Variants in STXBP5L observed in about 807,000 individuals in gnomAD.
The protein encoded by STXBP5L is syntaxin binding protein 5L.
A neutral mutation model predicts 144.5 loss-of-function variants in STXBP5L; 65 were observed. The ratio of observed to expected loss-of-function variants is 0.45; its 90% CI spans 0.37 to 0.55. The LOEUF (loss-of-function observed/expected upper bound fraction) is 0.55. Among genes scored for constraint, STXBP5L ranks in the 20% least tolerant of loss-of-function variants. The pLI, the probability that STXBP5L is intolerant of heterozygous loss-of-function variation, is 0.00. For synonymous variants in STXBP5L, 505 were observed against 469.6 expected (o/e 1.08, Z -0.97); for missense variants, 1,298 against 1,405.5 (o/e 0.92, Z 1.22).
At chr3:121,087,831 G>T (rs576635584) in intron 5 of STXBP5L, among the ~76,000 whole-genome samples, 1 of 151,458 alleles carries the variant, frequency 6.6e-6, no homozygotes, top group Non-Finnish European at 1.5e-5. Context: ...GTATTTCTTT[G>T]TATCACTTTT....
chr3:121,406,682 A>C (rs2046999818), intron 22 of STXBP5L, among the ~76,000 whole-genome samples: 1 of 152,024 alleles, frequency 6.6e-6, no homozygotes, highest in Non-Finnish European at 1.5e-5. Flanking sequence ...ATACAATTAA[A>C]ATTGCCACCG....
At chr3:121,187,227 AATG>A (rs1431428621) in intron 9 of STXBP5L, among the ~76,000 whole-genome samples, 1 of 152,204 alleles carries the variant, frequency 6.6e-6, no homozygotes, top group Non-Finnish European at 1.5e-5. Context: ...AGCCATAAAA[AATG>A]ATGAGTTCAT....
chr3:121,174,564 A>T (rs2046858201), intron 9 of STXBP5L, among the ~76,000 whole-genome samples: 1 of 152,154 alleles, frequency 6.6e-6, no homozygotes, highest in Non-Finnish European at 1.5e-5. Flanking sequence ...CAAGACCTGA[A>T]TCTTCGCTTG....
At chr3:121,252,297 C>CCTT (rs2050052191) in intron 15 of STXBP5L, among the ~76,000 whole-genome samples, 1 of 150,968 alleles carries the variant, frequency 6.6e-6, no homozygotes, top group East Asian at 2.0e-4. Flanking sequence ...ATCTGGGAGG[C>CCTT]AGAGGTTGCA....
Position 121,182,809 on chromosome 3 carries a change from G to C in STXBP5L, c.878-23114G>C, listed in dbSNP as rs535490214. Among the ~76,000 whole-genome samples, 65 of 152,170 alleles carry C rather than the reference G, an allele frequency of 4.3e-4. 2 individuals are homozygous for C. The South Asian group carries it at 7.9e-3, about 18-fold the overall frequency. On this transcript the variant is annotated intron_variant, in intron 9 of 26. Transcript: ENST00000471454. ...AAACAAGCTGAATTAGAAATGAAAG[G>C]AGAGATATTACAACCGATACCTTAG...
At chr3:121,349,666 G>A (rs2045183597) in intron 20 of STXBP5L, among the ~76,000 whole-genome samples, 2 of 152,084 alleles carry the variant, frequency 1.3e-5, no homozygotes, top group Admixed American at 1.3e-4. Flanking sequence ...ATATATTTAG[G>A]ATAGTTAGCT....
At chr3:121,300,674 G>A (rs2051856175) in intron 19 of STXBP5L, among the ~76,000 whole-genome samples, 2 of 151,826 alleles carry the variant, frequency 1.3e-5, no homozygotes, top group Admixed American at 1.3e-4. Flanking sequence ...TGATAAAATG[G>A]AATACTAAGT....
intron 3 of STXBP5L, among the ~76,000 whole-genome samples, chr3:120,998,602 A>T (rs1249120835): frequency 6.6e-6 from 1 of 152,146 alleles, no homozygotes; most frequent in Non-Finnish European, 1.5e-5. Context: ...CTTATTGTTC[A>T]ACTCCTAATT....
intron 20 of STXBP5L, among the ~76,000 whole-genome samples, chr3:121,356,318 A>T (rs2045512090): frequency 6.6e-6 from 1 of 152,218 alleles, no homozygotes; most frequent in African/African-American, 2.4e-5. Context: ...TAAAGGCAGT[A>T]GGCCTTGCTA....
At chr3:121,274,561 G>A (rs2050823810) in intron 18 of STXBP5L, among the ~76,000 whole-genome samples, 1 of 152,228 alleles carries the variant, frequency 6.6e-6, no homozygotes, top group South Asian at 2.1e-4. Context: ...TGGGATCCTG[G>A]CCACTGGTGC....
At chr3:120,959,127 A>G (rs1009557301) in intron 3 of STXBP5L, among the ~76,000 whole-genome samples, 2 of 152,212 alleles carry the variant, frequency 1.3e-5, no homozygotes, top group Admixed American at 1.3e-4. Flanking sequence ...AGAGAGCCAA[A>G]TCATGAGTGA....
intron 4 of STXBP5L, among the ~76,000 whole-genome samples, chr3:121,043,745 C>T (rs528851935): frequency 1.3e-5 from 2 of 152,088 alleles, no homozygotes; most frequent in South Asian, 2.1e-4. Flanking sequence ...ATACTGAGTT[C>T]CTCACTAGAA....
chr3:120,939,209 G>A lies in STXBP5L; in HGVS notation c.190-15731G>A, dbSNP rs140777960. Among the ~76,000 whole-genome samples, 361 of 152,210 alleles carry A rather than the reference G, an allele frequency of 2.4e-3. 1 individual carries two copies. Among genetic ancestry groups the A allele is most frequent in the Admixed American group, 3.5e-3 (53 of 15,278 alleles). ...AAGTGTTTTTCATTGTGTCTAGTAC[G>A]TAGTAAACAAATGGTAGGGATATCA... On this transcript the variant is annotated intron_variant, in intron 2 of 26. Coordinates refer to ENST00000471454, the MANE Select transcript of STXBP5L (RefSeq NM_001308330.2).
At chr3:121,034,382 A>G (rs1006933024) in intron 3 of STXBP5L, among the ~76,000 whole-genome samples, 1 of 152,210 alleles carries the variant, frequency 6.6e-6, no homozygotes, top group Middle Eastern at 3.4e-3. Flanking sequence ...GTGAGACTGT[A>G]ATATTTCACA....
At chr3:121,369,758 C>T (rs1400950870) in intron 20 of STXBP5L, among the ~76,000 whole-genome samples, 1 of 152,114 alleles carries the variant, frequency 6.6e-6, no homozygotes, top group Non-Finnish European at 1.5e-5. Context: ...TTCTCTCCAG[C>T]TGCCTTTAAA....
intron 7 of STXBP5L, among the ~76,000 whole-genome samples, chr3:121,134,963 T>A (rs1195558194): frequency 2.0e-5 from 3 of 151,996 alleles, no homozygotes; most frequent in Non-Finnish European, 2.9e-5. Context: ...TAGTTCTAGA[T>A]CCTTGAGGAA....
intron 5 of STXBP5L, among the ~76,000 whole-genome samples, chr3:121,097,478 C>T (rs1213810021): frequency 2.0e-5 from 3 of 152,224 alleles, no homozygotes; most frequent in Non-Finnish European, 4.4e-5. Context: ...TGCGGGGTTG[C>T]AAAGACCATG....
At chr3:121,249,267 AC>A (rs1220033759) in intron 14 of STXBP5L, among the ~76,000 whole-genome samples, 1 of 152,100 alleles carries the variant, frequency 6.6e-6, no homozygotes, top group Non-Finnish European at 1.5e-5. Context: ...AAATTGTTTT[AC>A]CATATTTTAA....
At chr3:121,213,619 T>C (rs1559872496) in intron 10 of STXBP5L, among the ~76,000 whole-genome samples, 1 of 152,188 alleles carries the variant, frequency 6.6e-6, no homozygotes, top group Non-Finnish European at 1.5e-5. Flanking sequence ...TTTGCCAGTA[T>C]TTTATTGAGG....
Sources: gnomAD v4.1 joint callset for allele counts (sites outside exome capture counted in the v4.1 genomes callset) on GRCh38, gnomAD v4.1.1 for gene constraint, MANE v1.5 for transcripts, NCBI Gene and HGNC (gene_info 2026-07-23, HGNC 2026-07-21) for gene names.